MYRIP: variants seen among roughly 807,000 people sequenced by gnomAD.
The protein encoded by MYRIP is rab effector MyRIP.
In MYRIP, 49 loss-of-function variants were observed where a neutral mutation model predicts 98.0. That is an observed-to-expected ratio of 0.50 (90% CI 0.40 to 0.63). MYRIP has a LOEUF of 0.63. MYRIP is among the 30% of genes least tolerant of loss of function. MYRIP has a pLI of 0.00. For missense variants in MYRIP, 1,004 were observed against 1,058.2 expected, an observed-to-expected ratio of 0.95 and a Z score of 0.71; for synonymous variants, 404 against 409.5, an observed-to-expected ratio of 0.99 and a Z score of 0.16.
At chr3:40,216,343 C>T (rs866486212) in intron 11 of MYRIP, among the ~76,000 whole-genome samples, 4 of 152,216 alleles carry the variant, frequency 2.6e-5, no homozygotes, top group South Asian at 2.1e-4. Context: ...AAGTAAGAAA[C>T]GCTGGGGAGA....
chr3:40,246,534 C>T (rs533022566), intron 13 of MYRIP, among the ~76,000 whole-genome samples: 2 of 152,236 alleles, frequency 1.3e-5, no homozygotes, highest in South Asian at 4.1e-4. Context: ...CTCCTCTTGT[C>T]CTGTAACCCA....
chr3:40,202,387 G>A (rs1389240379), intron 10 of MYRIP, among the ~76,000 whole-genome samples: 1 of 151,994 alleles, frequency 6.6e-6, no homozygotes, highest in African/African-American at 2.4e-5. Context: ...AGGCTAAATA[G>A]GAGAAAAAAA....
At chr3:40,034,094 C>G (rs968449984) in intron 2 of MYRIP, among the ~76,000 whole-genome samples, 3 of 152,146 alleles carry the variant, frequency 2.0e-5, no homozygotes, top group African/African-American at 7.2e-5. Context: ...CAGACTTAAA[C>G]GTTAGACCTA....
At chr3:39,816,893 A>T (rs1940935509) in intron 1 of MYRIP, among the ~76,000 whole-genome samples, 1 of 152,126 alleles carries the variant, frequency 6.6e-6, no homozygotes, top group African/African-American at 2.4e-5. Context: ...CATTTTCTGA[A>T]TCTCACTAGT....
At chr3:39,941,437 G>A in intron 2 of MYRIP, among the ~76,000 whole-genome samples, 1 of 151,982 alleles carries the variant, frequency 6.6e-6, no homozygotes, top group East Asian at 1.9e-4. Context: ...GAGATTTGGA[G>A]AGGACAAACA....
chr3:40,160,066 G>A (rs2125586901), intron 4 of MYRIP, among the ~76,000 whole-genome samples: 1 of 152,294 alleles, frequency 6.6e-6, no homozygotes, highest in African/African-American at 2.4e-5. Flanking sequence ...AGGAGGAGAG[G>A]CGCTCTGCTT....
intron 5 of MYRIP, among the ~76,000 whole-genome samples, chr3:40,163,964 C>T (rs1266769330): frequency 6.6e-6 from 1 of 152,106 alleles, no homozygotes; most frequent in East Asian, 1.9e-4. Context: ...CTCAAGTGCA[C>T]CTCCATTTGC....
At chr3:40,108,108 A>C (rs978409504) in intron 3 of MYRIP, among the ~76,000 whole-genome samples, 1 of 152,010 alleles carries the variant, frequency 6.6e-6, no homozygotes, top group Non-Finnish European at 1.5e-5. Flanking sequence ...TGAAGTCATA[A>C]CATAGTTTCA....
chr3:40,248,802 C>G (rs767146473), intron 13 of MYRIP, among the ~76,000 whole-genome samples: 1 of 152,128 alleles, frequency 6.6e-6, no homozygotes, highest in Non-Finnish European at 1.5e-5. Context: ...GTTCATAAAC[C>G]AAAAGAATGC....
At chr3:40,029,407 G>A (rs1028446177) in intron 2 of MYRIP, among the ~76,000 whole-genome samples, 1 of 152,124 alleles carries the variant, frequency 6.6e-6, no homozygotes, top group Non-Finnish European at 1.5e-5. Context: ...TAAGTACCGG[G>A]CACTTCTATG....
intron 3 of MYRIP, among the ~76,000 whole-genome samples, chr3:40,105,681 T>C (rs1949038286): frequency 1.3e-5 from 2 of 151,962 alleles, no homozygotes; most frequent in African/African-American, 4.8e-5. Flanking sequence ...GACTCACAGC[T>C]CCTCATGGCT....
intron 3 of MYRIP, among the ~76,000 whole-genome samples, chr3:40,125,834 C>G (rs144091751): frequency 1.3e-3 from 198 of 152,312 alleles, no homozygotes; most frequent in Middle Eastern, 6.8e-3. Context: ...AGATGCTTCA[C>G]ATTAATGGCA....
intron 5 of MYRIP, among the ~76,000 whole-genome samples, chr3:40,166,186 T>C (rs1355319641): frequency 6.6e-6 from 1 of 152,250 alleles, no homozygotes; most frequent in African/African-American, 2.4e-5. Context: ...TTAAGTCATA[T>C]GCACAGCCCA....
chr3:39,961,000 G>A (rs192385864), intron 2 of MYRIP, among the ~76,000 whole-genome samples: 31 of 152,232 alleles, frequency 2.0e-4, no homozygotes, highest in East Asian at 1.4e-3. Flanking sequence ...ATGGCACTTC[G>A]CAATCTCTCA....
chr3:40,188,549 G>A (rs1017998254), intron 9 of MYRIP, among the ~76,000 whole-genome samples: 2 of 151,926 alleles, frequency 1.3e-5, no homozygotes, highest in Admixed American at 6.6e-5. Context: ...AGGCTGAGGC[G>A]GGTGGATCAC....
At chr3:40,037,825 TG>T (rs762627905) in intron 2 of MYRIP, among the ~76,000 whole-genome samples, 12 of 152,140 alleles carry the variant, frequency 7.9e-5, no homozygotes, top group Non-Finnish European at 1.3e-4. Context: ...GTTTTCTCTC[TG>T]GCTCACACTT....
chr3:40,130,736 A>G (rs1488640818), intron 3 of MYRIP, among the ~76,000 whole-genome samples: 1 of 150,998 alleles, frequency 6.6e-6, no homozygotes, highest in Non-Finnish European at 1.5e-5. Context: ...GTGTGTGTGT[A>G]TCTCCAGACT....
chr3:39,959,232 A>G (rs1447408618), intron 2 of MYRIP, among the ~76,000 whole-genome samples: 2 of 152,214 alleles, frequency 1.3e-5, no homozygotes, highest in Non-Finnish European at 1.5e-5. Flanking sequence ...ACGTATGTTT[A>G]TTGTGGCACT....
At chr3:40,155,440 C>T (rs1234085724) in intron 4 of MYRIP, among the ~76,000 whole-genome samples, 10 of 151,932 alleles carry the variant, frequency 6.6e-5, no homozygotes, top group Admixed American at 1.3e-4. Flanking sequence ...TGAATAATGC[C>T]GCACTAAACA....
Sources: gnomAD v4.1 joint callset for allele counts (sites outside exome capture counted in the v4.1 genomes callset) on GRCh38, gnomAD v4.1.1 for gene constraint, MANE v1.5 for transcripts, NCBI Gene and HGNC (gene_info 2026-07-23, HGNC 2026-07-21) for gene names.